PDE8B: variants seen among roughly 807,000 people sequenced by gnomAD.
PDE8B encodes phosphodiesterase 8B.
PDE8B carries 26 observed loss-of-function variants against 101.3 expected under a neutral mutation model. That is an observed-to-expected ratio of 0.26 (90% CI 0.19 to 0.36). The LOEUF (loss-of-function observed/expected upper bound fraction) is 0.36, where lower values mean the gene tolerates loss of function less well. Ranked by LOEUF, PDE8B falls within the 10% of genes least tolerant of loss-of-function variation. The pLI, the probability that PDE8B is intolerant of heterozygous loss-of-function variation, is 1.00. For missense variants in PDE8B, 810 were observed against 1,163.1 expected, an observed-to-expected ratio of 0.70 and a Z score of 4.42; for synonymous variants, 424 against 429.3, an observed-to-expected ratio of 0.99 and a Z score of 0.15.
At chr5:77,126,817 A>G in the PDE8B span, among the ~76,000 whole-genome samples, 1 of 152,232 alleles carries the variant, frequency 6.6e-6, no homozygotes, top group East Asian at 1.9e-4. Context: ...TCATAAATAC[A>G]TAATCAAAAG....
chr5:77,389,007 C>T (rs1008368905), intron 10 of PDE8B, among the ~76,000 whole-genome samples: 1 of 152,154 alleles, frequency 6.6e-6, no homozygotes, highest in African/African-American at 2.4e-5. Flanking sequence ...GCTTTCTGGG[C>T]TCTGTGGAGG....
At chr5:77,393,402 AAAAAG>A (rs1375183019) in intron 10 of PDE8B, among the ~76,000 whole-genome samples, 19 of 151,898 alleles carry the variant, frequency 1.3e-4, no homozygotes, top group South Asian at 4.1e-4. Flanking sequence ...CCAAAAAAAA[AAAAAG>A]AAAGAAAGAA....
At chr5:77,313,836 A>G (rs1029340902) in intron 2 of PDE8B, among the ~76,000 whole-genome samples, 5 of 152,090 alleles carry the variant, frequency 3.3e-5, no homozygotes, top group Non-Finnish European at 7.4e-5. Context: ...ACTATGATAC[A>G]TATTTGTATA....
chr5:77,116,224 A>ATTT, the PDE8B span, among the ~76,000 whole-genome samples: 43 of 59,612 alleles, frequency 7.2e-4, no homozygotes, highest in Admixed American at 8.7e-4. Context: ...ATATATATAT[A>ATTT]TTTTTTTTTT....
the PDE8B span, among the ~76,000 whole-genome samples, chr5:77,107,524 C>A: frequency 6.6e-6 from 1 of 151,940 alleles, no homozygotes; most frequent in East Asian, 1.9e-4. Context: ...ATTTTTCATG[C>A]CTTTTTTGCA....
intron 20 of PDE8B, among the ~76,000 whole-genome samples, chr5:77,422,627 TAG>T (rs780532672): frequency 5.9e-4 from 90 of 152,270 alleles, no homozygotes; most frequent in Middle Eastern, 3.4e-3. Context: ...TGTAGCAGTG[TAG>T]AGAGTTAAAG....
the PDE8B span, among the ~76,000 whole-genome samples, chr5:77,127,470 A>T: frequency 6.6e-6 from 1 of 152,300 alleles, no homozygotes; most frequent in Non-Finnish European, 1.5e-5. Flanking sequence ...ACTGTGAGTC[A>T]GTTAAACCTC....
the PDE8B span, among the ~76,000 whole-genome samples, chr5:77,090,065 A>G: frequency 6.6e-6 from 1 of 152,212 alleles, no homozygotes; most frequent in Non-Finnish European, 1.5e-5. Flanking sequence ...ACATGTTCAC[A>G]CTCATATGTG....
chr5:77,089,195 G>A, the PDE8B span, among the ~76,000 whole-genome samples: 7 of 152,112 alleles, frequency 4.6e-5, no homozygotes, highest in African/African-American at 1.2e-4. Flanking sequence ...TAGCATTGCC[G>A]CCTGAGCTCC....
chr5:77,133,904 A>G, the PDE8B span, among the ~76,000 whole-genome samples: 2 of 152,164 alleles, frequency 1.3e-5, no homozygotes, highest in Non-Finnish European at 2.9e-5. Flanking sequence ...CAAGTCAGCT[A>G]TATTGGGCCT....
chr5:77,165,554 A>G, the PDE8B span: 1 of 151,364 alleles, frequency 6.6e-6, no homozygotes, highest in Non-Finnish European at 1.5e-5. Flanking sequence ...CTAACCAACA[A>G]CTGCAACAAC....
At chr5:77,088,842 G>C in the PDE8B span, 1 of 152,206 alleles carries the variant, frequency 6.6e-6, no homozygotes, top group East Asian at 1.9e-4. Flanking sequence ...TCTTCATTTA[G>C]GGCCATGGGT....
At chr5:77,116,224 A>ATTTTT in the PDE8B span, among the ~76,000 whole-genome samples, 10 of 59,610 alleles carry the variant, frequency 1.7e-4, no homozygotes, top group East Asian at 1.9e-3. Flanking sequence ...ATATATATAT[A>ATTTTT]TTTTTTTTTT....
rs1367076996 is a variant in PDE8B, at chr5:77,335,065, GT to G, written c.709-2159del. ...CCATTTTTTGCAAAAACTAATCCAT[GT>G]TTGTTATAGAAAATACAGATAAGCT... is the stretch of plus-strand genomic sequence containing the variant. On this transcript the variant is annotated intron_variant, in intron 5 of 21. Coordinates refer to ENST00000264917, the MANE Select transcript of PDE8B (RefSeq NM_003719.5). Among the ~76,000 whole-genome samples the G allele has an allele frequency of 3.3e-5, 5 of 152,210 alleles. No individual in the cohort carries two copies. The East Asian group carries it at 9.6e-4, about 29-fold the overall frequency.
At chr5:77,278,824 T>C (rs1395171739) in intron 1 of PDE8B, among the ~76,000 whole-genome samples, 1 of 152,198 alleles carries the variant, frequency 6.6e-6, no homozygotes, top group Non-Finnish European at 1.5e-5. Flanking sequence ...CTGAAAATAG[T>C]ACAACATCAA....
At chr5:77,175,639 C>A in the PDE8B span, among the ~76,000 whole-genome samples, 1 of 152,324 alleles carries the variant, frequency 6.6e-6, no homozygotes, top group South Asian at 2.1e-4. Context: ...CTCTCTTCCT[C>A]CACTAGAATG....
the PDE8B span, among the ~76,000 whole-genome samples, chr5:77,108,404 G>C: frequency 6.6e-6 from 1 of 152,054 alleles, no homozygotes; most frequent in Non-Finnish European, 1.5e-5. Flanking sequence ...ATTAATGCAG[G>C]CCAGGCACAT....
chr5:77,199,507 T>C, the PDE8B span, among the ~76,000 whole-genome samples: 2 of 152,228 alleles, frequency 1.3e-5, no homozygotes, highest in African/African-American at 4.8e-5. Flanking sequence ...TTGATGTTTA[T>C]GTTGGTGATT....
intron 13 of PDE8B, among the ~76,000 whole-genome samples, chr5:77,407,901 T>TG (rs1416475965): frequency 3.3e-5 from 5 of 152,078 alleles, no homozygotes; most frequent in Admixed American, 2.6e-4. Context: ...AGGAGGAGGA[T>TG]GTAGGTTGTA....
Sources: gnomAD v4.1 joint callset for allele counts (sites outside exome capture counted in the v4.1 genomes callset) on GRCh38, gnomAD v4.1.1 for gene constraint, MANE v1.5 for transcripts, NCBI Gene and HGNC (gene_info 2026-07-23, HGNC 2026-07-21) for gene names.